The following FOXJ3 variants were observed in gnomAD, a reference collection of about 807,000 sequenced individuals.
FOXJ3 encodes the protein forkhead box J3, also known as forkhead box protein J3.
In FOXJ3, 22 loss-of-function variants were observed where a neutral mutation model predicts 76.1. That is an observed-to-expected ratio of 0.29 (90% CI 0.21 to 0.41). The LOEUF is 0.41. Among genes scored for constraint, FOXJ3 ranks in the 10% least tolerant of loss-of-function variants. The pLI is 1.00. For missense variants in FOXJ3, 613 were observed against 762.1 expected, an observed-to-expected ratio of 0.80 and a Z score of 2.30; for synonymous variants, 269 against 261.2, an observed-to-expected ratio of 1.03 and a Z score of -0.29.
chr1:42,259,667 G>A (rs543155625), intron 4 of FOXJ3, among the ~76,000 whole-genome samples: 2 of 152,102 alleles, frequency 1.3e-5, no homozygotes, highest in East Asian at 3.9e-4. Context: ...TCTAACCTTG[G>A]TTTGTCTAAT....
chr1:42,227,510 G>A (rs1403987127), intron 5 of FOXJ3, among the ~76,000 whole-genome samples: 1 of 152,174 alleles, frequency 6.6e-6, no homozygotes, highest in Non-Finnish European at 1.5e-5. Context: ...GTATTTTGAG[G>A]ACAATGGGGA....
intron 1 of FOXJ3, among the ~76,000 whole-genome samples, chr1:42,331,600 T>C (rs1282703368): frequency 6.6e-6 from 1 of 152,136 alleles, no homozygotes; most frequent in Non-Finnish European, 1.5e-5. Context: ...CAACAGGCAT[T>C]TGGAATTATC....
rs35308694 is a variant in FOXJ3, at chr1:42,221,950, T to TA, written c.528+5932dup. On this transcript the variant is annotated intron_variant, in intron 5 of 12. Coordinates refer to ENST00000361346, the MANE Select transcript of FOXJ3 (RefSeq NM_014947.5). ...AAATGTAGCAAGACCCTGTCTCTATTAAAAAAAAAAAAAAAAGAAGAAGGG... is the reference window on the plus strand; with the variant it reads ...AAATGTAGCAAGACCCTGTCTCTATTAAAAAAAAAAAAAAAAAGAAGAAGGG... 3.8e-3 allele frequency among the ~76,000 whole-genome samples: 48 copies of TA among 12,506 alleles called. 3 individuals are homozygous for TA. The highest frequency in any genetic ancestry group is 0.014 in the African/African-American group (44 of 3,146). The allele number at this position is 12,506 out of a possible 152,430, so 8.2% of individuals were successfully genotyped here.
intron 8 of FOXJ3, among the ~76,000 whole-genome samples, chr1:42,192,089 G>C (rs899358124): frequency 6.6e-6 from 1 of 152,172 alleles, no homozygotes; most frequent in Non-Finnish European, 1.5e-5. Flanking sequence ...AAATGTTCGG[G>C]GAAAAGTGGG....
At chr1:42,279,394 C>T (rs957405762) in intron 2 of FOXJ3, among the ~76,000 whole-genome samples, 3 of 152,070 alleles carry the variant, frequency 2.0e-5, no homozygotes, top group Non-Finnish European at 4.4e-5. Context: ...TTTACAAAAA[C>T]TAACTGAAAT....
Position 42,324,024 on chromosome 1 carries a change from T to C in FOXJ3, c.-18+11035A>G, listed in dbSNP as rs188954410. Among the ~76,000 whole-genome samples, 29 of 140,670 alleles carry C rather than the reference T, an allele frequency of 2.1e-4. No individual in the cohort carries two copies. The South Asian group carries it at 5.9e-3, about 29-fold the overall frequency. 92.3% of individuals were successfully genotyped at this position (140,670 alleles called of 152,430 possible). A position where few individuals can be genotyped will look rare whatever the true frequency, so the allele number is the denominator to read the frequency against. On this transcript the variant is annotated intron_variant, in intron 1 of 12. Coordinates refer to ENST00000361346, the MANE Select transcript of FOXJ3 (RefSeq NM_014947.5). ...TCTAGGAACTACTAAATATATATAG[T>C]ATATATATACACACTATATATAGTA...
At chr1:42,227,515 T>TG (rs1347569561) in intron 5 of FOXJ3, among the ~76,000 whole-genome samples, 1 of 152,140 alleles carries the variant, frequency 6.6e-6, no homozygotes, top group African/African-American at 2.4e-5. Flanking sequence ...TTGAGGACAA[T>TG]GGGGAAAATT....
intron 1 of FOXJ3, among the ~76,000 whole-genome samples, chr1:42,322,363 T>C (rs552628646): frequency 6.6e-6 from 1 of 152,096 alleles, no homozygotes; most frequent in Non-Finnish European, 1.5e-5. Flanking sequence ...AATGATGGCA[T>C]GGGTAATATA....
intron 11 of FOXJ3, 125 bp from the exon 12 acceptor site, chr1:42,182,149 G>A: frequency 1.7e-6 from 1 of 596,622 alleles, no homozygotes; most frequent in Non-Finnish European, 3.0e-6. Flanking sequence ...GGAGAAAGGG[G>A]GAAGAAAATA....
intron 6 of FOXJ3, among the ~76,000 whole-genome samples, chr1:42,201,418 A>G (rs2124289433): frequency 6.6e-6 from 1 of 152,262 alleles, no homozygotes; most frequent in South Asian, 2.1e-4. Flanking sequence ...ATTTCCACCT[A>G]TTTACAGCTA....
chr1:42,304,688 C>T lies in FOXJ3; in HGVS notation c.44+6362G>A, dbSNP rs114591809. Among the ~76,000 whole-genome samples, 1,241 of 152,236 alleles carry T rather than the reference C, an allele frequency of 8.2e-3. 19 individuals carry two copies. The highest frequency in any genetic ancestry group is 0.029 in the African/African-American group (1,204 of 41,530). On this transcript the variant is annotated intron_variant, in intron 2 of 12. Coordinates refer to ENST00000361346, the MANE Select transcript of FOXJ3 (RefSeq NM_014947.5). ...ACAAGGTGCTGGGAAAACTGGATAA[C>T]CACATGCAGAAGAATGACATTAGAC...
At chr1:42,330,411 G>A (rs1195556145) in intron 1 of FOXJ3, among the ~76,000 whole-genome samples, 1 of 152,204 alleles carries the variant, frequency 6.6e-6, no homozygotes, top group Non-Finnish European at 1.5e-5. Flanking sequence ...GCCAGGGTTG[G>A]CGGATCACTT....
In FOXJ3 at chr1:42,237,471, T is replaced by C. The variant is rs562694532; in HGVS notation, c.445-9505A>G. 1.4e-3 allele frequency among the ~76,000 whole-genome samples: 210 copies of C among 145,946 alleles called. 1 individual carries two copies. Among genetic ancestry groups the C allele is most frequent in the African/African-American group, 4.6e-3 (180 of 38,952 alleles). ...ATATACACATACATACATATACATA[T>C]ATATGTATATATATATATATGGGCT... On this transcript the variant is annotated intron_variant, in intron 4 of 12. Transcript: ENST00000361346.
chr1:42,198,520 T>C (rs1436744262), intron 7 of FOXJ3, among the ~76,000 whole-genome samples: 1 of 152,200 alleles, frequency 6.6e-6, no homozygotes, highest in Non-Finnish European at 1.5e-5. Context: ...AGTTGCCAGG[T>C]AGTTTGAAAA....
At chr1:42,283,082 C>G (rs1652832112) in intron 2 of FOXJ3, among the ~76,000 whole-genome samples, 1 of 152,100 alleles carries the variant, frequency 6.6e-6, no homozygotes, top group Non-Finnish European at 1.5e-5. Context: ...AAAAGTATGA[C>G]TCAGAGCACA....
At chr1:42,269,009 T>C (rs899236192) in intron 3 of FOXJ3, among the ~76,000 whole-genome samples, 2 of 152,176 alleles carry the variant, frequency 1.3e-5, no homozygotes, top group Non-Finnish European at 2.9e-5. Context: ...CATCTTGATT[T>C]TGGAATTCCC....
chr1:42,295,677 C>T (rs1225598136), intron 2 of FOXJ3, among the ~76,000 whole-genome samples: 2 of 151,962 alleles, frequency 1.3e-5, no homozygotes, highest in Non-Finnish European at 2.9e-5. Context: ...TACAGGTGTG[C>T]ACCACCTTGT....
At chr1:42,195,325 C>T (rs1646631279) in intron 7 of FOXJ3, among the ~76,000 whole-genome samples, 1 of 152,190 alleles carries the variant, frequency 6.6e-6, no homozygotes, top group Admixed American at 6.5e-5. Flanking sequence ...GATAACTTGC[C>T]TCAGATCATA....
At chr1:42,193,439 T>G (rs534153394) in intron 8 of FOXJ3, among the ~76,000 whole-genome samples, 1 of 151,846 alleles carries the variant, frequency 6.6e-6, no homozygotes, top group African/African-American at 2.4e-5. Context: ...AATGGAATTA[T>G]GGGCTTCAGA....
Sources: allele counts gnomAD v4.1 joint callset (sites outside exome capture counted in the v4.1 genomes callset), GRCh38; gene constraint gnomAD v4.1.1; transcripts MANE v1.5; gene names NCBI Gene and HGNC (gene_info 2026-07-23, HGNC 2026-07-21).